Variants in MGRN1 observed in about 807,000 individuals in gnomAD.
The protein encoded by MGRN1 is mahogunin ring finger 1.
MGRN1 carries 29 observed loss-of-function variants against 69.2 expected under a neutral mutation model. That is an observed-to-expected ratio of 0.42 (90% CI 0.31 to 0.57). The LOEUF is 0.57. Ranked by LOEUF, MGRN1 falls within the 20% of genes least tolerant of loss-of-function variation. The probability of loss-of-function intolerance (pLI) is 0.15; values close to 1 mark genes in which losing one functional copy is unlikely to be tolerated. For missense variants in MGRN1, 998 were observed against 796.2 expected, an observed-to-expected ratio of 1.25 and a Z score of -3.05; for synonymous variants, 470 against 344.2, an observed-to-expected ratio of 1.37 and a Z score of -4.04.
At position 4,677,520 on chromosome 16, in the gene MGRN1, C is replaced by T. The variant is rs1249626621; in HGVS notation, c.1013C>T (p.Pro338Leu). ...CGGAAGAAGCCAGGAGCCCTGTCCC[C>T]CGTGTCCTTCAGCCCCGTCCTGGCC... ...AVRKKPGALS[P>L]VSFSPVLAQS... The change falls in exon 11 of 17, where the codon CCC (proline) becomes CTC (leucine). Residue 338 changes from proline to leucine, a missense_variant. Coordinates refer to ENST00000262370, the MANE Select transcript of MGRN1 (RefSeq NM_015246.4). 6.3e-7 allele frequency: 1 copy of T among 1,597,978 alleles called. No individual in the cohort carries two copies. The highest frequency in any genetic ancestry group is 1.7e-5 in the Admixed American group (1 of 59,730).
At chr16:4,631,438 T>C (rs1269021579) in intron 1 of MGRN1, among the ~76,000 whole-genome samples, 1 of 152,240 alleles carries the variant, frequency 6.6e-6, no homozygotes, top group Non-Finnish European at 1.5e-5. Context: ...AACTGGGGCA[T>C]TTTTGCCCTC....
At chr16:4,633,685 C>G (rs1192826898) in intron 1 of MGRN1, 1 of 151,896 alleles carries the variant, frequency 6.6e-6, no homozygotes, top group African/African-American at 2.4e-5. Flanking sequence ...GAGCAAAACT[C>G]TGTCTCAAAA....
chr16:4,648,389 C>G (rs559133711), intron 1 of MGRN1, among the ~76,000 whole-genome samples: 1 of 130,122 alleles, frequency 7.7e-6, no homozygotes, highest in African/African-American at 3.3e-5. Flanking sequence ...GGACTCTTCC[C>G]GTGGTCACCC....
chr16:4,641,462 C>T (rs969994901), intron 1 of MGRN1, among the ~76,000 whole-genome samples: 2 of 147,234 alleles, frequency 1.4e-5, no homozygotes, highest in African/African-American at 4.9e-5. Flanking sequence ...GGTCCTTCTG[C>T]CTCAGCCTCT....
At chr16:4,664,997 G>A (rs150309093) in intron 6 of MGRN1, 105 bp from the exon 7 acceptor site, 26,982 of 1,364,138 alleles carry the variant, frequency 0.02, 362 homozygotes, top group Non-Finnish European at 0.024. Context: ...TGGACTCTGT[G>A]CAGGCTGAGC....
At position 4,651,967 on chromosome 16, in the gene MGRN1, C is replaced by T. The variant is rs1243273088; in HGVS notation, c.212C>T (p.Pro71Leu). The change falls in exon 3 of 17, where the codon CCC becomes CTC. Residue 71 changes from proline to leucine, a missense_variant. Physicochemically the swap from Pro to Leu is moderately conservative, Grantham distance 98. Coordinates refer to ENST00000262370, the MANE Select transcript of MGRN1 (RefSeq NM_015246.4). ...GCCCTGTGGTTTTTCTCCTAGTTTC[C>T]CTACGTCACTCCTGCCCCCCACGAG... ...NFLGSRPVQFPYVTPAPHEPV... is the reference protein window; with the variant it reads ...NFLGSRPVQFLYVTPAPHEPV... 1.9e-6 allele frequency: 3 copies of T among 1,613,954 alleles called. No individual in the cohort carries two copies. Among genetic ancestry groups the T allele is most frequent in the Non-Finnish European group, 2.5e-6 (3 of 1,179,936 alleles).
intron 1 of MGRN1, among the ~76,000 whole-genome samples, chr16:4,647,252 T>C (rs907781321): frequency 6.6e-6 from 1 of 152,192 alleles, no homozygotes; most frequent in Non-Finnish European, 1.5e-5. Flanking sequence ...TCAGCCCTGC[T>C]CCATGACTGG....
In MGRN1 at chr16:4,624,884, A is replaced by C. The variant is rs1897585352; in HGVS notation, c.-77A>C. 1 of 1,305,478 alleles carries C rather than the reference A, an allele frequency of 7.7e-7. No homozygotes were observed. Among genetic ancestry groups the C allele is most frequent in the Non-Finnish European group, 1.0e-6 (1 of 964,422 alleles). 80.9% of individuals were successfully genotyped at this position (1,305,478 alleles called of 1,614,324 possible). On this transcript the variant is annotated 5_prime_UTR_variant, in exon 1 of 17. An upstream start codon of the reference 5' UTR is lost. Coordinates refer to ENST00000262370, the MANE Select transcript of MGRN1 (RefSeq NM_015246.4). ...GCGTCCGTGCGGCCTGGTCCGGGCCATGTCCGCGTGAGGACCCCGCCGCTG... is the reference window on the plus strand; with the variant it reads ...GCGTCCGTGCGGCCTGGTCCGGGCCCTGTCCGCGTGAGGACCCCGCCGCTG...
intron 1 of MGRN1, among the ~76,000 whole-genome samples, chr16:4,645,378 A>G (rs985660241): frequency 2.6e-5 from 4 of 152,168 alleles, no homozygotes; most frequent in African/African-American, 9.7e-5. Flanking sequence ...TATGTTGCCC[A>G]GGCTGGTCTT....
Position 4,665,249 on chromosome 16 carries a change from G to T in MGRN1, c.678+98G>T, listed in dbSNP as rs1340460249. 5.1e-6 allele frequency: 7 copies of T among 1,370,822 alleles called. No homozygotes were observed. In the Admixed American group the frequency reaches 1.4e-4, roughly 27 times the overall value. The allele number at this position is 1,370,822 out of a possible 1,614,324, so 84.9% of individuals were successfully genotyped here. ...GCCTGAGCAGGGGCTGGGGCTTGGT[G>T]GGGTGGCTGAGTGTCAAGGGCCCCG... On this transcript the variant is annotated intron_variant, in intron 7 of 16. Coordinates refer to ENST00000262370, the MANE Select transcript of MGRN1 (RefSeq NM_015246.4).
At position 4,689,142 on chromosome 16, in the gene MGRN1, A is replaced by T. The variant is rs934943088; in HGVS notation, c.*234A>T. 1.1e-5 allele frequency: 6 copies of T among 558,226 alleles called. No homozygotes were observed. Among genetic ancestry groups the T allele is most frequent in the Non-Finnish European group, 1.7e-5 (6 of 347,598 alleles). 34.6% of individuals were successfully genotyped at this position (558,226 alleles called of 1,614,324 possible). On this transcript the variant is annotated 3_prime_UTR_variant, in exon 17 of 17. Coordinates refer to ENST00000262370, the MANE Select transcript of MGRN1 (RefSeq NM_015246.4). ...ACAAGATGAAGGACAGCAGCTTTCCATCCCTAGTTCAGAGCCCCCGTTCCC... is the reference window on the plus strand; with the variant it reads ...ACAAGATGAAGGACAGCAGCTTTCCTTCCCTAGTTCAGAGCCCCCGTTCCC...
intron 7 of MGRN1, 127 bp from the exon 8 acceptor site, chr16:4,668,138 T>C (rs1298822634): frequency 9.5e-6 from 6 of 628,596 alleles, no homozygotes; most frequent in East Asian, 2.9e-5. Flanking sequence ...TTTTTTTTTT[T>C]CTTTTTTCTT....
intron 1 of MGRN1, among the ~76,000 whole-genome samples, chr16:4,646,868 A>G (rs924830800): frequency 7.2e-5 from 11 of 152,182 alleles, no homozygotes; most frequent in Non-Finnish European, 1.3e-4. Context: ...CTTCTGGACC[A>G]GGGACCTGTC....
intron 7 of MGRN1, among the ~76,000 whole-genome samples, chr16:4,666,232 G>C (rs1338182296): frequency 2.0e-5 from 3 of 152,068 alleles, no homozygotes; most frequent in African/African-American, 7.2e-5. Flanking sequence ...GGCTTAAGGA[G>C]ATCCTCCCAC....
intron 5 of MGRN1, among the ~76,000 whole-genome samples, chr16:4,661,553 A>T (rs1401391715): frequency 6.6e-6 from 1 of 152,210 alleles, no homozygotes; most frequent in African/African-American, 2.4e-5. Context: ...TGGGGTTCTA[A>T]TTGTAGTGAA....
At chr16:4,639,463 C>G (rs1421520623) in intron 1 of MGRN1, among the ~76,000 whole-genome samples, 1 of 152,146 alleles carries the variant, frequency 6.6e-6, no homozygotes, top group Non-Finnish European at 1.5e-5. Flanking sequence ...GGTGCAGCAA[C>G]CTTCACCATT....
chr16:4,686,371 G>C, intron 16 of MGRN1: 1 of 1,520,100 alleles, frequency 6.6e-7, no homozygotes, highest in African/African-American at 1.4e-5. Context: ...GCCCTCCCCT[G>C]CTCTCTGGCG....
intron 16 of MGRN1, chr16:4,687,759 C>T (rs552917044): frequency 1.1e-4 from 106 of 985,404 alleles, no homozygotes; most frequent in East Asian, 3.4e-4. Context: ...GGTGCCTGGC[C>T]GGGGGTGCAG....
intron 6 of MGRN1, among the ~76,000 whole-genome samples, 159 bp from the exon 7 acceptor site, chr16:4,664,943 G>A (rs2078766161): frequency 6.6e-6 from 1 of 152,230 alleles, no homozygotes; most frequent in African/African-American, 2.4e-5. Context: ...GTGAGGAGGT[G>A]GAAAGTGCAG....
Sources: allele counts gnomAD v4.1 joint callset (sites outside exome capture counted in the v4.1 genomes callset), GRCh38; gene constraint gnomAD v4.1.1; transcripts MANE v1.5; gene names NCBI Gene and HGNC (gene_info 2026-07-23, HGNC 2026-07-21).